Variants in ZNF804B observed in about 807,000 individuals in gnomAD.
ZNF804B encodes zinc finger protein 804B.
A neutral mutation model predicts 101.4 loss-of-function variants in ZNF804B; 80 were observed. That is an observed-to-expected ratio of 0.79 (90% CI 0.66 to 0.95). ZNF804B has a LOEUF of 0.95. ZNF804B is among the 40% of genes least tolerant of loss of function. The pLI, the probability that ZNF804B is intolerant of heterozygous loss-of-function variation, is 0.00. For synonymous variants in ZNF804B, 622 were observed against 558.8 expected, an observed-to-expected ratio of 1.11 and a Z score of -1.59; for missense variants, 1,673 against 1,561.9, an observed-to-expected ratio of 1.07 and a Z score of -1.20.
intron 2 of ZNF804B, among the ~76,000 whole-genome samples, chr7:89,271,304 T>C (rs1258406733): frequency 4.6e-5 from 7 of 152,184 alleles, no homozygotes; most frequent in Non-Finnish European, 1.0e-4. Flanking sequence ...CAAAGGCCTT[T>C]TCTGCATCTA....
At chr7:89,184,911 A>G (rs999701331) in intron 1 of ZNF804B, among the ~76,000 whole-genome samples, 8 of 152,142 alleles carry the variant, frequency 5.3e-5, no homozygotes, top group African/African-American at 1.9e-4. Flanking sequence ...AAAATCTGGG[A>G]GAAAATTTTA....
At chr7:88,974,349 G>A (rs1793583217) in intron 1 of ZNF804B, among the ~76,000 whole-genome samples, 1 of 151,160 alleles carries the variant, frequency 6.6e-6, no homozygotes, top group Non-Finnish European at 1.5e-5. Context: ...TTGTATTATT[G>A]AAAGATGTTA....
intron 1 of ZNF804B, among the ~76,000 whole-genome samples, chr7:88,850,926 A>G (rs1454333930): frequency 6.6e-6 from 1 of 152,124 alleles, no homozygotes; most frequent in South Asian, 2.1e-4. Context: ...AAGGTTGAAC[A>G]TGCTAAACAA....
At chr7:89,055,591 A>C (rs1052124478) in intron 1 of ZNF804B, among the ~76,000 whole-genome samples, 2 of 152,070 alleles carry the variant, frequency 1.3e-5, no homozygotes, top group Non-Finnish European at 2.9e-5. Flanking sequence ...CCTGATATCA[A>C]CTTCACCTCT....
chr7:88,837,771 A>G (rs1156909411), intron 1 of ZNF804B, among the ~76,000 whole-genome samples: 2 of 151,836 alleles, frequency 1.3e-5, no homozygotes, highest in African/African-American at 4.8e-5. Context: ...AGTACTTCAA[A>G]ATAACATATT....
At chr7:89,204,206 A>G (rs1434401337) in intron 1 of ZNF804B, among the ~76,000 whole-genome samples, 1 of 152,208 alleles carries the variant, frequency 6.6e-6, no homozygotes, top group African/African-American at 2.4e-5. Context: ...TATTAATTGC[A>G]TTTTTACAAT....
At chr7:88,936,708 G>A (rs1792976815) in intron 1 of ZNF804B, among the ~76,000 whole-genome samples, 1 of 152,072 alleles carries the variant, frequency 6.6e-6, no homozygotes, top group African/African-American at 2.4e-5. Flanking sequence ...GGAGGGAATA[G>A]AAGGAAATTG....
intron 2 of ZNF804B, among the ~76,000 whole-genome samples, chr7:89,305,327 CA>C (rs2115930927): frequency 6.6e-6 from 1 of 152,008 alleles, no homozygotes; most frequent in East Asian, 1.9e-4. Flanking sequence ...TTTCTTTTGG[CA>C]AAATTGTAGG....
chr7:89,294,025 G>A (rs1790341609), intron 2 of ZNF804B, among the ~76,000 whole-genome samples: 1 of 152,076 alleles, frequency 6.6e-6, no homozygotes, highest in Non-Finnish European at 1.5e-5. Context: ...TCATCATTTG[G>A]TAGTCTGCCT....
intron 1 of ZNF804B, among the ~76,000 whole-genome samples, chr7:89,157,031 G>A (rs555195223): frequency 6.6e-6 from 1 of 152,114 alleles, no homozygotes; most frequent in South Asian, 2.1e-4. Flanking sequence ...TCATTTACTC[G>A]AGACTGCCAC....
chr7:89,330,855 T>A (rs1217692789), intron 3 of ZNF804B, among the ~76,000 whole-genome samples: 1 of 150,888 alleles, frequency 6.6e-6, no homozygotes, highest in African/African-American at 2.4e-5. Flanking sequence ...TTTAAAAGAA[T>A]GTAAAAAGAA....
At chr7:88,999,012 T>G (rs1318082885) in intron 1 of ZNF804B, among the ~76,000 whole-genome samples, 1 of 152,090 alleles carries the variant, frequency 6.6e-6, no homozygotes, top group Non-Finnish European at 1.5e-5. Context: ...CATTTCCTAT[T>G]AGCATTTTAG....
intron 1 of ZNF804B, among the ~76,000 whole-genome samples, chr7:89,203,207 C>A (rs756723441): frequency 6.6e-6 from 1 of 152,104 alleles, no homozygotes; most frequent in African/African-American, 2.4e-5. Context: ...ACACCATCAG[C>A]GCTGCCATTA....
intron 1 of ZNF804B, among the ~76,000 whole-genome samples, chr7:89,216,169 C>T (rs988267396): frequency 2.6e-5 from 4 of 151,906 alleles, no homozygotes; most frequent in Non-Finnish European, 5.9e-5. Flanking sequence ...TAGCTGGGCG[C>T]GGTGGCGCGC....
chr7:89,175,453 C>T lies in ZNF804B; in HGVS notation c.109-42702C>T, dbSNP rs566268223. Among the ~76,000 whole-genome samples, 368 of 152,052 alleles carry T rather than the reference C, an allele frequency of 2.4e-3. 1 individual carries two copies. Among genetic ancestry groups the T allele is most frequent in the Non-Finnish European group, 3.9e-3 (266 of 67,888 alleles). On this transcript the variant is annotated intron_variant, in intron 1 of 3. Transcript: ENST00000333190. ...TGGTCTATGTGTTTTTATGTCAGTACCATGCTCTTTTGGTTGCTATATTTC... is the reference window on the plus strand; with the variant it reads ...TGGTCTATGTGTTTTTATGTCAGTATCATGCTCTTTTGGTTGCTATATTTC...
intron 1 of ZNF804B, among the ~76,000 whole-genome samples, chr7:89,162,188 A>T (rs973899885): frequency 1.7e-4 from 26 of 152,140 alleles, no homozygotes; most frequent in Admixed American, 1.7e-3. Context: ...ACCATTTTTT[A>T]ACAAGTATAG....
Position 89,121,763 on chromosome 7 carries a change from A to G in ZNF804B, c.109-96392A>G, listed in dbSNP as rs1790409456. Among the ~76,000 whole-genome samples the G allele has an allele frequency of 2.0e-5, 3 of 152,226 alleles. No individual in the cohort carries two copies. The South Asian group carries it at 6.2e-4, about 32-fold the overall frequency. ...CTTCCTTTATTTTGGTAATTGTGTT[A>G]TTAGTGTTTATTTCTAATTTATCAT... On this transcript the variant is annotated intron_variant, in intron 1 of 3. Transcript: ENST00000333190.
chr7:89,146,534 T>C (rs899083645), intron 1 of ZNF804B, among the ~76,000 whole-genome samples: 2 of 152,048 alleles, frequency 1.3e-5, no homozygotes, highest in African/African-American at 2.4e-5. Flanking sequence ...CAATTTTTCT[T>C]CCTAAAATCT....
intron 1 of ZNF804B, among the ~76,000 whole-genome samples, chr7:89,087,307 C>T (rs1208909134): frequency 6.6e-6 from 1 of 151,006 alleles, no homozygotes; most frequent in Non-Finnish European, 1.5e-5. Flanking sequence ...TTGTGTGACT[C>T]TAACCTCAAC....
Sources: gnomAD v4.1 joint callset for allele counts (sites outside exome capture counted in the v4.1 genomes callset) on GRCh38, gnomAD v4.1.1 for gene constraint, MANE v1.5 for transcripts, NCBI Gene and HGNC (gene_info 2026-07-23, HGNC 2026-07-21) for gene names.